RHOQ: variants seen among roughly 807,000 people sequenced by gnomAD.
RHOQ encodes the protein rho-related GTP-binding protein RhoQ.
A neutral mutation model predicts 25.8 loss-of-function variants in RHOQ; 7 were observed. That is an observed-to-expected ratio of 0.27 (90% CI 0.15 to 0.51). The LOEUF is 0.51. Ranked by LOEUF, RHOQ falls within the 20% of genes least tolerant of loss-of-function variation. The pLI is 0.97. For synonymous variants in RHOQ, 97 were observed against 98.6 expected, an observed-to-expected ratio of 0.98 and a Z score of 0.10; for missense variants, 165 against 260.6, an observed-to-expected ratio of 0.63 and a Z score of 2.53.
chr2:46,577,830 A>G (rs575359608), intron 4 of RHOQ, among the ~76,000 whole-genome samples: 1 of 152,250 alleles, frequency 6.6e-6, no homozygotes, highest in Admixed American at 6.5e-5. Flanking sequence ...ATCACTTCAG[A>G]AATTCCATGT....
At position 46,569,474 on chromosome 2, in the gene RHOQ, C is replaced by T. The variant is rs952591622; in HGVS notation, c.202-6613C>T. The T allele has an allele frequency of 3.9e-5, 6 of 152,138 alleles. No homozygotes were observed. The highest frequency in any genetic ancestry group is 3.9e-4 in the East Asian group (2 of 5,192). The allele number at this position is 152,138 out of a possible 1,614,324, so 9.4% of individuals were successfully genotyped here. On this transcript the variant is annotated intron_variant, in intron 2 of 4. Transcript: ENST00000238738. This position sits in a 1 kb window ranked among gnomAD's most constrained non-coding sequence, Gnocchi z 4.1. ...TTTTAGAGATGAGGAAGTGCCAGTTCGTCACAACACAGTTAGATAATGACA... is the reference window on the plus strand; with the variant it reads ...TTTTAGAGATGAGGAAGTGCCAGTTTGTCACAACACAGTTAGATAATGACA...
chr2:46,563,559 G>C (rs1199686415), intron 2 of RHOQ, among the ~76,000 whole-genome samples: 1 of 152,182 alleles, frequency 6.6e-6, no homozygotes, highest in Non-Finnish European at 1.5e-5. Context: ...GCAGGGGAGG[G>C]GAGGGCATCA....
Position 46,566,430 on chromosome 2 carries a change from T to G in RHOQ, c.202-9657T>G, listed in dbSNP as rs975661208. 2.0e-5 allele frequency among the ~76,000 whole-genome samples: 3 copies of G among 152,134 alleles called. No homozygotes were observed. Among genetic ancestry groups the G allele is most frequent in the African/African-American group, 7.2e-5 (3 of 41,414 alleles). On this transcript the variant is annotated intron_variant, in intron 2 of 4. Transcript: ENST00000238738. This position sits in a 1 kb window ranked among gnomAD's most constrained non-coding sequence, Gnocchi z 4.2. ...CTTCATCCCTCTAAAAGATGCCATA[T>G]CATCTAGATATATCCAGAATATATC...
intron 2 of RHOQ, chr2:46,572,685 C>T (rs754734048): frequency 1.2e-5 from 5 of 433,046 alleles, no homozygotes; most frequent in Admixed American, 1.1e-4. Context: ...TAAATACCTA[C>T]ATTTTAAAAT....
rs958924467 is a variant in RHOQ at position 46,548,911 on chromosome 2, A to G, written c.201+5099A>G. On this transcript the variant is annotated intron_variant, in intron 2 of 4. Coordinates refer to ENST00000238738, the MANE Select transcript of RHOQ (RefSeq NM_012249.4). This position sits in a 1 kb window ranked among gnomAD's most constrained non-coding sequence, Gnocchi z 5.2. ...CAAAGCCTTTGCTGTGTTCGCTCCA[A>G]AGTCTGAATGCCCTGTGTTCCCCTC... is the stretch of plus-strand genomic sequence containing the variant. Among the ~76,000 whole-genome samples, 2 of 152,068 alleles carry G rather than the reference A, an allele frequency of 1.3e-5. No individual in the cohort carries two copies. The highest frequency in any genetic ancestry group is 4.8e-5 in the African/African-American group (2 of 41,400).
intron 4 of RHOQ, among the ~76,000 whole-genome samples, chr2:46,579,267 T>C (rs1410449330): frequency 6.6e-6 from 1 of 152,192 alleles, no homozygotes; most frequent in Non-Finnish European, 1.5e-5. Flanking sequence ...ACCTCCTTGG[T>C]CCCTGGTTGG....
Position 46,552,852 on chromosome 2 carries a change from G to A in RHOQ, c.201+9040G>A, listed in dbSNP as rs74720575. ...GAGGGCAGTGGGGCCTATTTATTGG[G>A]GGCACAGAGGAGGAAGGCTTATCCT... On this transcript the variant is annotated intron_variant, in intron 2 of 4. Coordinates refer to ENST00000238738, the MANE Select transcript of RHOQ (RefSeq NM_012249.4). The surrounding 1 kb of genome is among the most constrained non-coding windows in gnomAD (Gnocchi z 5.0). 8.5e-5 allele frequency among the ~76,000 whole-genome samples: 13 copies of A among 152,346 alleles called. No individual in the cohort carries two copies. The East Asian group carries it at 2.5e-3, about 29-fold the overall frequency.
intron 2 of RHOQ, among the ~76,000 whole-genome samples, chr2:46,571,870 T>C (rs17035286): frequency 0.053 from 8,139 of 152,188 alleles, 379 homozygotes; most frequent in African/African-American, 0.12. Flanking sequence ...CAAAAACATA[T>C]ATTTTAAACA....
intron 2 of RHOQ, chr2:46,572,609 G>C: frequency 3.2e-6 from 1 of 312,054 alleles, no homozygotes; most frequent in Non-Finnish European, 6.4e-6. Flanking sequence ...TTTTGATGTT[G>C]AACAGCTGTC....
intron 2 of RHOQ, among the ~76,000 whole-genome samples, chr2:46,560,044 G>A (rs1204033894): frequency 6.6e-6 from 1 of 152,132 alleles, no homozygotes; most frequent in Non-Finnish European, 1.5e-5. Flanking sequence ...GATAGGGAAG[G>A]GGAAAAGGTA....
chr2:46,563,515 T>A (rs772930811), intron 2 of RHOQ, among the ~76,000 whole-genome samples: 2 of 151,948 alleles, frequency 1.3e-5, no homozygotes, highest in Non-Finnish European at 2.9e-5. Flanking sequence ...CCAGAGCTGG[T>A]GGGAAGAAGA....
In RHOQ at chr2:46,576,816, C is replaced by T; in HGVS notation, c.462+160C>T. On this transcript the variant is annotated intron_variant, in intron 4 of 4. Coordinates refer to ENST00000238738, the MANE Select transcript of RHOQ (RefSeq NM_012249.4). This position sits in a 1 kb window ranked among gnomAD's most constrained non-coding sequence, Gnocchi z 5.1. ...AACTCAGTGAGGTAGGTCTGTTTCCCCTGTTACACAGAAGAGACAGTGGAG... is the reference window on the plus strand; with the variant it reads ...AACTCAGTGAGGTAGGTCTGTTTCCTCTGTTACACAGAAGAGACAGTGGAG... 2.0e-6 allele frequency: 1 copy of T among 500,316 alleles called. No homozygotes were observed. The highest frequency in any genetic ancestry group is 3.5e-5 in the South Asian group (1 of 28,776). 31.0% of individuals were successfully genotyped at this position (500,316 alleles called of 1,614,324 possible).
In RHOQ at chr2:46,582,264, A is replaced by G. The variant is rs1669416194; in HGVS notation, c.*1181A>G. 1 of 151,656 alleles carries G rather than the reference A, an allele frequency of 6.6e-6. No individual in the cohort carries two copies. The highest frequency in any genetic ancestry group is 1.5e-5 in the Non-Finnish European group (1 of 67,924). 9.4% of individuals were successfully genotyped at this position (151,656 alleles called of 1,614,324 possible). A position where few individuals can be genotyped will look rare whatever the true frequency, so the allele number is the denominator to read the frequency against. On this transcript the variant is annotated 3_prime_UTR_variant, in exon 5 of 5. Coordinates refer to ENST00000238738, the MANE Select transcript of RHOQ (RefSeq NM_012249.4). Reference sequence around the variant, plus strand: ...TTCATCTACAAGCAGTTGGTCCCTAAGTGAAAGGCTCTGCTTGAAAAAAAA... The same window carrying G: ...TTCATCTACAAGCAGTTGGTCCCTAGGTGAAAGGCTCTGCTTGAAAAAAAA...
At position 46,583,907 on chromosome 2, in the gene RHOQ, A is replaced by G. The variant is rs1459652087; in HGVS notation, c.*2824A>G. On this transcript the variant is annotated 3_prime_UTR_variant, in exon 5 of 5. Coordinates refer to ENST00000238738, the MANE Select transcript of RHOQ (RefSeq NM_012249.4). ...TGTTTGCATATAGAGAATTAGTTCT[A>G]AAGTTCTTAAAAATAAATTTAGGGG... Among the ~76,000 whole-genome samples, 2 of 152,216 alleles carry G rather than the reference A, an allele frequency of 1.3e-5. No individual in the cohort carries two copies. The highest frequency in any genetic ancestry group is 3.8e-4 in the East Asian group (2 of 5,202).
intron 4 of RHOQ, chr2:46,580,704 T>C (rs542969069): frequency 2.6e-6 from 1 of 381,840 alleles, no homozygotes; most frequent in East Asian, 4.1e-5. Context: ...TGACATATAG[T>C]AGATACCCAG....
Position 46,569,605 on chromosome 2 carries a change from A to G in RHOQ, c.202-6482A>G, listed in dbSNP as rs2104016680. On this transcript the variant is annotated intron_variant, in intron 2 of 4. Coordinates refer to ENST00000238738, the MANE Select transcript of RHOQ (RefSeq NM_012249.4). This position sits in a 1 kb window ranked among gnomAD's most constrained non-coding sequence, Gnocchi z 4.1. ...AGTTACAATCAGTCAGGTGGCCAAA[A>G]GGAAAGCACAATGGAAAAGAAGCCC... 1 of 152,330 alleles carries G rather than the reference A, an allele frequency of 6.6e-6. No individual in the cohort carries two copies. The highest frequency in any genetic ancestry group is 2.1e-4 in the South Asian group (1 of 4,826). 9.4% of individuals were successfully genotyped at this position (152,330 alleles called of 1,614,324 possible). A position where few individuals can be genotyped will look rare whatever the true frequency, so the allele number is the denominator to read the frequency against.
intron 4 of RHOQ, among the ~76,000 whole-genome samples, chr2:46,578,588 A>AT (rs1669225291): frequency 7.0e-6 from 1 of 143,824 alleles, no homozygotes; most frequent in South Asian, 2.2e-4. Context: ...AAAAAAAAAA[A>AT]AAAAAAAAAA....
Position 46,581,230 on chromosome 2 carries a change from A to T in RHOQ, c.*147A>T, listed in dbSNP as rs531888006. 1.3e-4 allele frequency: 132 copies of T among 985,580 alleles called. No individual in the cohort carries two copies. The highest frequency in any genetic ancestry group is 1.8e-4 in the Non-Finnish European group (126 of 681,602). 61.1% of individuals were successfully genotyped at this position (985,580 alleles called of 1,614,324 possible). ...CTGTCCTCAGAATTCTATAAAGTGT[A>T]TTAAGAATGTTCCTTAAAGGTTTAA... On this transcript the variant is annotated 3_prime_UTR_variant, in exon 5 of 5. Transcript: ENST00000238738.
intron 2 of RHOQ, among the ~76,000 whole-genome samples, chr2:46,562,434 C>T (rs1021030126): frequency 2.0e-5 from 3 of 152,202 alleles, no homozygotes; most frequent in African/African-American, 4.8e-5. Flanking sequence ...CTAGTTTCCT[C>T]CTCTATCTGT....
Sources: allele counts gnomAD v4.1 joint callset (sites outside exome capture counted in the v4.1 genomes callset), GRCh38; gene constraint gnomAD v4.1.1; non-coding constraint Gnocchi (gnomAD v3.1); transcripts MANE v1.5; gene names NCBI Gene and HGNC (gene_info 2026-07-23, HGNC 2026-07-21).